The following DTHD1 variants were observed in gnomAD, a reference collection of about 807,000 sequenced individuals.
DTHD1 encodes the protein death domain containing 1.
Under a neutral mutation model 74.8 loss-of-function variants are expected in DTHD1, and 59 were observed. The ratio of observed to expected loss-of-function variants is 0.79; its 90% CI spans 0.64 to 0.98. The LOEUF (loss-of-function observed/expected upper bound fraction) is 0.98. Among genes scored for constraint, DTHD1 ranks in the 50% least tolerant of loss-of-function variants. DTHD1 has a pLI of 0.00. For synonymous variants in DTHD1, 365 were observed against 371.1 expected (o/e 0.98, Z 0.19); for missense variants, 1,051 against 1,065.4 (o/e 0.99, Z 0.19).
intron 5 of DTHD1, among the ~76,000 whole-genome samples, chr4:36,295,661 A>T (rs1019831920): frequency 1.3e-5 from 2 of 152,120 alleles, no homozygotes; most frequent in African/African-American, 4.8e-5. Context: ...GAATAATGAG[A>T]ATTACAGTTA....
At position 36,290,632 on chromosome 4, in the gene DTHD1, G is replaced by C. The variant is rs781472337; in HGVS notation, c.1147G>C (p.Val383Leu). The C allele has an allele frequency of 9.0e-6, 14 of 1,549,062 alleles. No homozygotes were observed. The East Asian group carries it at 3.2e-4, about 35-fold the overall frequency. The change falls in exon 3 of 10, where the codon GTG becomes CTG. Residue 383 changes from valine to leucine, a missense_variant. Coordinates refer to ENST00000639862, the MANE Select transcript of DTHD1 (RefSeq NM_001170700.3). ...RGNYRDIMVK[V>L]CDINLQSSYL... is the part of the protein sequence containing the mutation. ...AAATTACAGAGATATCATGGTGAAA[G>C]TGTGTGACATAAACCTTCAATCAAG...
intron 3 of DTHD1, among the ~76,000 whole-genome samples, chr4:36,292,486 C>T (rs979770052): frequency 6.6e-6 from 1 of 152,092 alleles, no homozygotes; most frequent in Non-Finnish European, 1.5e-5. Context: ...TATTTAAAAA[C>T]CCTTTTGGCC....
chr4:36,298,374 T>C (rs1756570018), intron 5 of DTHD1, among the ~76,000 whole-genome samples: 1 of 152,214 alleles, frequency 6.6e-6, no homozygotes, highest in Non-Finnish European at 1.5e-5. Context: ...ATGTAAATTG[T>C]ATTGCAAATT....
chr4:36,319,370 C>T (rs1398484052), intron 8 of DTHD1, among the ~76,000 whole-genome samples: 1 of 152,186 alleles, frequency 6.6e-6, no homozygotes, highest in Non-Finnish European at 1.5e-5. Flanking sequence ...TACTCAAATT[C>T]TCTCTGTTCC....
In DTHD1 at chr4:36,343,600, A is replaced by G. The variant is rs1354706272; in HGVS notation, c.2497A>G (p.Ile833Val). The change falls in exon 10 of 10, where the codon ATT becomes GTT. Residue 833 changes from isoleucine to valine, a missense_variant. Ile to Val is a conservative substitution (Grantham distance 29). Coordinates refer to ENST00000639862, the MANE Select transcript of DTHD1 (RefSeq NM_001170700.3). ...AACTCTCCCTCTGCGCCGTAGCACC[A>G]TTCAGCTCATCAAACTCAAGAACCC... ...SSTLPLRRST[I>V]QLIKLKNPDD... 1.3e-6 allele frequency: 2 copies of G among 1,551,628 alleles called. No homozygotes were observed. The highest frequency in any genetic ancestry group is 1.7e-6 in the Non-Finnish European group (2 of 1,146,926).
chr4:36,330,322 T>A (rs1222908158), intron 8 of DTHD1, among the ~76,000 whole-genome samples: 1 of 152,238 alleles, frequency 6.6e-6, no homozygotes, highest in Non-Finnish European at 1.5e-5. Context: ...ACCTTCATGT[T>A]ACATACAAAT....
In DTHD1 at chr4:36,324,253, C is replaced by T. The variant is rs530251349; in HGVS notation, c.2340+7767C>T. ...TTTCCTGTCCCTTCTCCCCTTTCTC[C>T]TTCTCTGGCCCCTCTCAACGCCTCC... On this transcript the variant is annotated intron_variant, in intron 8 of 9. Coordinates refer to ENST00000639862, the MANE Select transcript of DTHD1 (RefSeq NM_001170700.3). Among the ~76,000 whole-genome samples, 12 of 151,762 alleles carry T rather than the reference C, an allele frequency of 7.9e-5. No homozygotes were observed. The South Asian group carries it at 2.5e-3, about 32-fold the overall frequency.
chr4:36,336,374 G>A (rs1489311695), intron 8 of DTHD1, among the ~76,000 whole-genome samples: 2 of 152,192 alleles, frequency 1.3e-5, no homozygotes, highest in Admixed American at 6.5e-5. Flanking sequence ...TTGTTTTGAA[G>A]GGAAAGCAGT....
intron 5 of DTHD1, among the ~76,000 whole-genome samples, chr4:36,305,508 C>G (rs1317841607): frequency 6.6e-6 from 1 of 152,154 alleles, no homozygotes; most frequent in African/African-American, 2.4e-5. Flanking sequence ...TATCTCCTAC[C>G]AGGTCCCTCT....
chr4:36,295,978 A>C (rs1756372233), intron 5 of DTHD1, among the ~76,000 whole-genome samples: 1 of 152,176 alleles, frequency 6.6e-6, no homozygotes, highest in Non-Finnish European at 1.5e-5. Flanking sequence ...TTGAGTTAAA[A>C]GTGCTGATTG....
At chr4:36,291,525 C>A (rs769814668) in intron 3 of DTHD1, among the ~76,000 whole-genome samples, 1 of 152,152 alleles carries the variant, frequency 6.6e-6, no homozygotes, top group Non-Finnish European at 1.5e-5. Flanking sequence ...GAGAATATAA[C>A]AACTATTAAA....
rs996179163 is a variant in DTHD1 at position 36,346,243 on chromosome 4, GCA to G, written c.*2431_*2432del. ...TAATATGCCTCCCCCACAGACACAT[GCA>G]CACACACACACGACATCTCACTTTA... On this transcript the variant is annotated 3_prime_UTR_variant, in exon 10 of 10. Transcript: ENST00000639862. 7.3e-5 allele frequency among the ~76,000 whole-genome samples: 11 copies of G among 150,638 alleles called. No homozygotes were observed. Among genetic ancestry groups the G allele is most frequent in the African/African-American group, 1.5e-4 (6 of 40,956 alleles).
At chr4:36,330,135 G>T (rs1193576941) in intron 8 of DTHD1, among the ~76,000 whole-genome samples, 1 of 152,152 alleles carries the variant, frequency 6.6e-6, no homozygotes, top group African/African-American at 2.4e-5. Flanking sequence ...TTTAAAAGGA[G>T]GAGACTGAGG....
chr4:36,323,880 C>G (rs1758179905), intron 8 of DTHD1, among the ~76,000 whole-genome samples: 1 of 152,108 alleles, frequency 6.6e-6, no homozygotes, highest in Non-Finnish European at 1.5e-5. Flanking sequence ...CTCACTCTTT[C>G]CAATGAGAAG....
chr4:36,342,317 G>C (rs1003983140), intron 9 of DTHD1, among the ~76,000 whole-genome samples: 1 of 152,064 alleles, frequency 6.6e-6, no homozygotes, highest in Non-Finnish European at 1.5e-5. Flanking sequence ...GTAAAATCAG[G>C]GTGCAATTTA....
rs558904224 is a variant in DTHD1 at position 36,316,319 on chromosome 4, A to G, written c.2173A>G (p.Lys725Glu). 1.9e-6 allele frequency: 3 copies of G among 1,552,056 alleles called. No individual in the cohort carries two copies. The East Asian group carries it at 7.3e-5, about 38-fold the overall frequency. Residue 725 changes from lysine (K) to glutamate (E), a missense_variant, in exon 8 of 10, where the codon AAA becomes GAA. Physicochemically the swap from Lys to Glu is moderately conservative, Grantham distance 56. Transcript: ENST00000639862. The stretch of plus-strand genomic sequence containing the variant: ...AAAACCTAGGCTGGAACTCCAAATC[A>G]AAGAAGTGGACGAATTTGGAAACTA... ...QRKPRLELQIKEVDEFGNYSC... is the reference protein window; with the variant it reads ...QRKPRLELQIEEVDEFGNYSC...
chr4:36,337,581 G>A (rs1365432263), intron 8 of DTHD1, among the ~76,000 whole-genome samples: 6 of 152,154 alleles, frequency 3.9e-5, no homozygotes, highest in African/African-American at 7.2e-5. Flanking sequence ...CAAACACATA[G>A]TTGATGCCTT....
chr4:36,295,426 C>A (rs1456377629), intron 5 of DTHD1, among the ~76,000 whole-genome samples: 4 of 151,960 alleles, frequency 2.6e-5, no homozygotes, highest in Admixed American at 2.0e-4. Flanking sequence ...AGATATTATG[C>A]AAAGGGATCT....
At chr4:36,304,905 G>T (rs1756957406) in intron 5 of DTHD1, among the ~76,000 whole-genome samples, 1 of 152,072 alleles carries the variant, frequency 6.6e-6, no homozygotes, top group African/African-American at 2.4e-5. Context: ...AGGTACCACA[G>T]AAACAGGACT....
Sources: allele counts gnomAD v4.1 joint callset (sites outside exome capture counted in the v4.1 genomes callset), GRCh38; gene constraint gnomAD v4.1.1; transcripts MANE v1.5; gene names NCBI Gene and HGNC (gene_info 2026-07-23, HGNC 2026-07-21).